Variants in RHOT1 observed in about 807,000 individuals in gnomAD.
The protein encoded by RHOT1 is mitochondrial Rho GTPase 1.
RHOT1 carries 27 observed loss-of-function variants against 95.3 expected under a neutral mutation model. The observed-to-expected ratio is 0.28, with a 90% CI of 0.21 to 0.39. The LOEUF (loss-of-function observed/expected upper bound fraction) is 0.39. Ranked by LOEUF, RHOT1 falls within the 10% of genes least tolerant of loss-of-function variation. The pLI is 1.00. For synonymous variants in RHOT1, 227 were observed against 263.5 expected (o/e 0.86, Z 1.34); for missense variants, 578 against 786.7 (o/e 0.73, Z 3.17).
chr17:32,164,983 A>G (rs1598325007), intron 1 of RHOT1, among the ~76,000 whole-genome samples: 2 of 151,946 alleles, frequency 1.3e-5, no homozygotes, highest in East Asian at 3.9e-4. Context: ...ACATGGTGAA[A>G]CTCCCTCTCT....
At chr17:32,219,381 G>GC (rs2038686629) in intron 19 of RHOT1, among the ~76,000 whole-genome samples, 1 of 152,070 alleles carries the variant, frequency 6.6e-6, no homozygotes, top group Non-Finnish European at 1.5e-5. Flanking sequence ...TCCAACTTCA[G>GC]CCCCCCAAAG....
At chr17:32,224,504 A>G in intron 19 of RHOT1, 112 bp from the exon 20 acceptor site, 1 of 620,294 alleles carries the variant, frequency 1.6e-6, no homozygotes, top group Non-Finnish European at 2.8e-6. Flanking sequence ...TACTGTATGC[A>G]GTTAGCTTGA....
intron 14 of RHOT1, among the ~76,000 whole-genome samples, chr17:32,201,767 T>C (rs1188796038): frequency 1.3e-5 from 2 of 152,248 alleles, no homozygotes; most frequent in South Asian, 2.1e-4. Context: ...TGTTTCACAA[T>C]ATGGATGTTC....
intron 3 of RHOT1, 85 bp downstream of exon 3, chr17:32,173,997 C>A: frequency 1.1e-6 from 1 of 942,668 alleles, no homozygotes; most frequent in Non-Finnish European, 1.7e-6. Flanking sequence ...TACAAATGTT[C>A]AGAGAGGTGG....
intron 8 of RHOT1, among the ~76,000 whole-genome samples, chr17:32,191,725 T>A (rs553857140): frequency 3.3e-4 from 51 of 152,340 alleles, no homozygotes; most frequent in African/African-American, 6.7e-4. Flanking sequence ...CACTTGTTTG[T>A]GAATAAGCGT....
At chr17:32,150,277 G>C (rs1366757258) in intron 1 of RHOT1, among the ~76,000 whole-genome samples, 1 of 151,948 alleles carries the variant, frequency 6.6e-6, no homozygotes, top group South Asian at 2.1e-4. Context: ...AAATGATACT[G>C]ATGAAGATGT....
intron 19 of RHOT1, 72 bp from the exon 20 acceptor site, chr17:32,224,544 A>G: frequency 2.0e-6 from 2 of 1,022,090 alleles, no homozygotes; most frequent in East Asian, 5.3e-5. Flanking sequence ...CTAAAAGTAG[A>G]CTGCTAAATA....
chr17:32,188,233 A>G (rs567487382), intron 8 of RHOT1, among the ~76,000 whole-genome samples: 39 of 152,370 alleles, frequency 2.6e-4, no homozygotes, highest in African/African-American at 9.4e-4. Context: ...TAGATGGGAA[A>G]GCAGATAAAT....
chr17:32,178,389 G>A (rs1057018224), intron 6 of RHOT1, among the ~76,000 whole-genome samples: 6 of 152,024 alleles, frequency 3.9e-5, no homozygotes, highest in African/African-American at 1.4e-4. Flanking sequence ...ACGGACTTTC[G>A]CCGTGTTGAC....
chr17:32,203,808 A>AC, intron 15 of RHOT1, 82 bp from the exon 16 acceptor site: 1 of 930,482 alleles, frequency 1.1e-6, no homozygotes, highest in East Asian at 2.5e-5. Flanking sequence ...TTTATAACAC[A>AC]CCTGCACATA....
chr17:32,149,325 A>G (rs1184792851), intron 1 of RHOT1, among the ~76,000 whole-genome samples: 1 of 150,532 alleles, frequency 6.6e-6, no homozygotes, highest in East Asian at 1.9e-4. Context: ...ATGAAGTTTA[A>G]TTAGTGTAAT....
At chr17:32,187,280 C>CT (rs1333173767) in intron 8 of RHOT1, among the ~76,000 whole-genome samples, 8 of 152,032 alleles carry the variant, frequency 5.3e-5, no homozygotes, top group African/African-American at 1.9e-4. Context: ...GATTGAGACT[C>CT]TGTCTCAAAA....
In RHOT1 at chr17:32,211,704, C is replaced by A. The variant is rs12948449; in HGVS notation, c.1862+466C>A. 6.3e-3 allele frequency among the ~76,000 whole-genome samples: 956 copies of A among 152,172 alleles called. 13 individuals are homozygous for A. The highest frequency in any genetic ancestry group is 0.021 in the African/African-American group (867 of 41,506). On this transcript the variant is annotated intron_variant, in intron 19 of 19. Coordinates refer to ENST00000545287, the MANE Select transcript of RHOT1 (RefSeq NM_001033566.3). ...TTGAAACAATATTCTATTCTTGAAACCATTTATAATTATAATCTGCTTTTA... is the reference window on the plus strand; with the variant it reads ...TTGAAACAATATTCTATTCTTGAAAACATTTATAATTATAATCTGCTTTTA...
rs1412091470 is a variant in RHOT1 at position 32,206,971 on chromosome 17, G to C, written c.1478G>C (p.Cys493Ser). 6.2e-7 allele frequency: 1 copy of C among 1,611,668 alleles called. No individual in the cohort carries two copies. Among genetic ancestry groups the C allele is most frequent in the Non-Finnish European group, 8.5e-7 (1 of 1,178,200 alleles). Residue 493 changes from cysteine to serine, a missense_variant, in exon 17 of 20, where the codon TGC (cysteine) becomes TCC (serine). By Grantham distance (112) the Cys-to-Ser change is moderately radical. Transcript: ENST00000545287. ...GCTGAAATCATTTGTGATGTTGTAT[G>C]CCTGGTATATGATGTCAGCAATCCC... The part of the protein sequence containing the change: ...TEAEIICDVV[C>S]LVYDVSNPKS...
intron 1 of RHOT1, among the ~76,000 whole-genome samples, chr17:32,154,459 C>A (rs1310270988): frequency 6.6e-6 from 1 of 150,944 alleles, no homozygotes. Flanking sequence ...TGGTGGCAGG[C>A]GCCTGTAGTC....
At chr17:32,144,172 T>C (rs1303602906) in intron 1 of RHOT1, among the ~76,000 whole-genome samples, 1 of 152,192 alleles carries the variant, frequency 6.6e-6, no homozygotes, top group Non-Finnish European at 1.5e-5. Flanking sequence ...CTTAAAAAAC[T>C]GATCCTTAAA....
At chr17:32,163,754 A>G (rs1213927023) in intron 1 of RHOT1, among the ~76,000 whole-genome samples, 3 of 152,110 alleles carry the variant, frequency 2.0e-5, no homozygotes. Context: ...GGAAAAAAAA[A>G]ACAAAGAATG....
chr17:32,170,468 T>G (rs947612079), intron 1 of RHOT1, among the ~76,000 whole-genome samples: 4 of 152,084 alleles, frequency 2.6e-5, no homozygotes, highest in Non-Finnish European at 4.4e-5. Context: ...TTATTATTGC[T>G]GCTTTTAAAA....
chr17:32,193,354 C>G (rs373095088), intron 10 of RHOT1, 110 bp downstream of exon 10: 8 of 705,402 alleles, frequency 1.1e-5, no homozygotes, highest in Middle Eastern at 2.8e-4. Context: ...TTAATATTTA[C>G]TAGTATGCCT....
Sources: gnomAD v4.1 joint callset for allele counts (sites outside exome capture counted in the v4.1 genomes callset) on GRCh38, gnomAD v4.1.1 for gene constraint, MANE v1.5 for transcripts, NCBI Gene and HGNC (gene_info 2026-07-23, HGNC 2026-07-21) for gene names.